The following SYNGR1 variants were observed in gnomAD, a reference collection of about 807,000 sequenced individuals.
The protein encoded by SYNGR1 is synaptogyrin 1.
Under a neutral mutation model 26.1 loss-of-function variants are expected in SYNGR1, and 14 were observed. The ratio of observed to expected loss-of-function variants is 0.54; its 90% CI spans 0.35 to 0.84. The LOEUF (loss-of-function observed/expected upper bound fraction) is 0.84. Ranked by LOEUF, SYNGR1 falls within the 40% of genes least tolerant of loss-of-function variation. The pLI is 0.01. For missense variants in SYNGR1, 319 were observed against 332.9 expected (o/e 0.96, Z 0.33); for synonymous variants, 141 against 150.1 (o/e 0.94, Z 0.44).
At chr22:39,380,461 C>T (rs1175953089) in intron 3 of SYNGR1, among the ~76,000 whole-genome samples, 2 of 151,848 alleles carry the variant, frequency 1.3e-5, no homozygotes, top group Non-Finnish European at 2.9e-5. Flanking sequence ...TGGATCATAG[C>T]TCACTGCAGC....
chr22:39,364,580 C>A (rs1188695156), intron 1 of SYNGR1, among the ~76,000 whole-genome samples: 1 of 152,102 alleles, frequency 6.6e-6, no homozygotes, highest in Non-Finnish European at 1.5e-5. Context: ...AGTGGGTTGT[C>A]CCTGAAGGTG....
rs769676271 is a variant in SYNGR1 at position 39,374,306 on chromosome 22, C to T, written c.100-10C>T. Reference sequence around the variant, plus strand: ...TGCCCAGGTCTAAGGTGTGGCCCCACCCCCGACAGCTGTTCTCCATAGTGG... The same window carrying T: ...TGCCCAGGTCTAAGGTGTGGCCCCATCCCCGACAGCTGTTCTCCATAGTGG... On this transcript the variant is annotated splice_polypyrimidine_tract_variant and intron_variant, in intron 1 of 3. Transcript: ENST00000328933. 5 of 1,613,450 alleles carry T rather than the reference C, an allele frequency of 3.1e-6. No individual in the cohort carries two copies. The highest frequency in any genetic ancestry group is 4.2e-6 in the Non-Finnish European group (5 of 1,179,786).
intron 3 of SYNGR1, among the ~76,000 whole-genome samples, chr22:39,380,701 A>G (rs1320786150): frequency 7.1e-6 from 1 of 141,712 alleles, no homozygotes; most frequent in African/African-American, 2.7e-5. Flanking sequence ...GGGTACTGCA[A>G]CCTCCGCCTC....
In SYNGR1 at chr22:39,376,558, G is replaced by A. The variant is rs1265693642; in HGVS notation, c.483+361G>A. On this transcript the variant is annotated intron_variant, in intron 3 of 3. Transcript: ENST00000328933. ...TAGACAGGAAGGTGAGGCTTACAGGGTTTGAGGCTGGGAAGCAGCCCTGCC... is the reference window on the plus strand; with the variant it reads ...TAGACAGGAAGGTGAGGCTTACAGGATTTGAGGCTGGGAAGCAGCCCTGCC... 3.3e-5 allele frequency among the ~76,000 whole-genome samples: 5 copies of A among 152,194 alleles called. No individual in the cohort carries two copies. In the East Asian group the frequency reaches 9.6e-4, roughly 29 times the overall value.
chr22:39,362,416 C>T (rs978363129), intron 1 of SYNGR1, among the ~76,000 whole-genome samples: 1 of 151,416 alleles, frequency 6.6e-6, no homozygotes, highest in Non-Finnish European at 1.5e-5. Context: ...CGGTGTGAGG[C>T]GGGGTGGGGG....
rs1302268294 is a variant in SYNGR1, at chr22:39,382,031, TG to T, written c.*118del. The stretch of plus-strand genomic sequence containing the variant: ...CTCATCAGCCTCTGCCTTGTCCCAC[TG>T]AGGTCCAGGGTAGCTCGGGGCAGGG... On this transcript the variant is annotated 3_prime_UTR_variant, in exon 4 of 4. Transcript: ENST00000328933. 6 of 1,204,982 alleles carry T rather than the reference TG, an allele frequency of 5.0e-6. No homozygotes were observed. The highest frequency in any genetic ancestry group is 7.1e-6 in the Non-Finnish European group (6 of 848,950). 74.6% of individuals were successfully genotyped at this position (1,204,982 alleles called of 1,614,324 possible).
chr22:39,350,771 A>G lies in SYNGR1; in HGVS notation c.99+662A>G, dbSNP rs921503682. On this transcript the variant is annotated intron_variant, in intron 1 of 3. Coordinates refer to ENST00000328933, the MANE Select transcript of SYNGR1 (RefSeq NM_004711.5). The surrounding 1 kb of genome is among the most constrained non-coding windows in gnomAD (Gnocchi z 4.3). ...AGTGTCATCTCCTCTCTCATGCCTC[A>G]GTTTCCCAATTTATAGACAAGGTGG... Among the ~76,000 whole-genome samples, 1 of 152,154 alleles carries G rather than the reference A, an allele frequency of 6.6e-6. No homozygotes were observed. Among genetic ancestry groups the G allele is most frequent in the Admixed American group, 6.5e-5 (1 of 15,286 alleles).
Position 39,381,892 on chromosome 22 carries a change from G to C in SYNGR1, c.680G>C (p.Gly227Ala). 1 of 1,612,312 alleles carries C rather than the reference G, an allele frequency of 6.2e-7. No individual in the cohort carries two copies. Among genetic ancestry groups the C allele is most frequent in the Non-Finnish European group, 8.5e-7 (1 of 1,179,676 alleles). Reference protein sequence around the residue: ...PANTFDTEPQGYQSQGY With the variant: ...PANTFDTEPQAYQSQGY ...AACACCTTCGACACCGAGCCCCAGG[G>C]CTACCAGTCGCAGGGCTACTGAGCC... is the stretch of plus-strand genomic sequence containing the variant. The change falls in exon 4 of 4, where the codon GGC (glycine) becomes GCC (alanine). Residue 227 changes from glycine (G) to alanine (A), a missense_variant. Coordinates refer to ENST00000328933, the MANE Select transcript of SYNGR1 (RefSeq NM_004711.5).
intron 3 of SYNGR1, among the ~76,000 whole-genome samples, chr22:39,378,645 C>G (rs985133327): frequency 6.6e-6 from 1 of 152,206 alleles, no homozygotes; most frequent in South Asian, 2.1e-4. Context: ...CTGAGCACAT[C>G]GAGAGTGAGC....
chr22:39,375,900 C>G (rs764267993), intron 2 of SYNGR1, 152 bp from the exon 3 acceptor site: 2 of 1,021,906 alleles, frequency 2.0e-6, no homozygotes, highest in African/African-American at 3.2e-5. Context: ...CTCTCTTCCC[C>G]TACCCCCTTT....
intron 1 of SYNGR1, among the ~76,000 whole-genome samples, chr22:39,362,434 T>C (rs111733818): frequency 0.016 from 2,442 of 151,820 alleles, 67 homozygotes; most frequent in South Asian, 0.066. Context: ...GGGAGGGGCC[T>C]GGAGCCTCAC....
chr22:39,361,969 C>T (rs1924494128), intron 1 of SYNGR1, among the ~76,000 whole-genome samples: 2 of 151,228 alleles, frequency 1.3e-5, no homozygotes, highest in South Asian at 4.2e-4. Flanking sequence ...AGGCCCTGGG[C>T]CAGTCAAGTG....
chr22:39,382,163 T>C lies in SYNGR1; in HGVS notation c.*249T>C. 1 of 584,820 alleles carries C rather than the reference T, an allele frequency of 1.7e-6. No homozygotes were observed. The highest frequency in any genetic ancestry group is 3.1e-6 in the Non-Finnish European group (1 of 326,624). 36.2% of individuals were successfully genotyped at this position (584,820 alleles called of 1,614,324 possible). A position where few individuals can be genotyped will look rare whatever the true frequency, so the allele number is the denominator to read the frequency against. On this transcript the variant is annotated 3_prime_UTR_variant, in exon 4 of 4. Transcript: ENST00000328933. ...TGGGGGCCAGGGGTATTTGCATTCA[T>C]ACATTGTGTCATCAAGCATTCCTTG...
intron 1 of SYNGR1, among the ~76,000 whole-genome samples, chr22:39,370,080 A>T (rs867938522): frequency 2.6e-5 from 4 of 151,802 alleles, no homozygotes; most frequent in African/African-American, 7.3e-5. Context: ...CAATCCTCCC[A>T]CCTCAGTCCC....
chr22:39,359,005 A>G (rs1357672248), intron 1 of SYNGR1, among the ~76,000 whole-genome samples: 1 of 152,212 alleles, frequency 6.6e-6, no homozygotes, highest in African/African-American at 2.4e-5. Flanking sequence ...GAGCTTTAAC[A>G]AGTTGGGGCT....
At chr22:39,362,027 T>TC (rs1924499108) in intron 1 of SYNGR1, among the ~76,000 whole-genome samples, 1 of 151,050 alleles carries the variant, frequency 6.6e-6, no homozygotes, top group African/African-American at 2.4e-5. Flanking sequence ...TTTTTTTTTT[T>TC]TGTAGAGACG....
chr22:39,375,446 G>C (rs1925235647), intron 2 of SYNGR1: 1 of 179,914 alleles, frequency 5.6e-6, no homozygotes, highest in Non-Finnish European at 1.2e-5. Context: ...TGGCTATGAG[G>C]CTCCCACTGC....
chr22:39,380,585 G>A (rs1569184123), intron 3 of SYNGR1, among the ~76,000 whole-genome samples: 1 of 147,860 alleles, frequency 6.8e-6, no homozygotes, highest in Non-Finnish European at 1.5e-5. Context: ...TTTTGGTAGA[G>A]ATGGGGTCTT....
intron 1 of SYNGR1, among the ~76,000 whole-genome samples, chr22:39,362,618 G>A (rs1022456363): frequency 6.6e-6 from 1 of 152,190 alleles, no homozygotes; most frequent in African/African-American, 2.4e-5. Flanking sequence ...ATTTCTCAAA[G>A]TGTGACCGCT....
Sources: allele counts gnomAD v4.1 joint callset (sites outside exome capture counted in the v4.1 genomes callset), GRCh38; gene constraint gnomAD v4.1.1; non-coding constraint Gnocchi (gnomAD v3.1); transcripts MANE v1.5; gene names NCBI Gene and HGNC (gene_info 2026-07-23, HGNC 2026-07-21).